TGFB2: variants seen among roughly 807,000 people sequenced by gnomAD.
TGFB2 encodes transforming growth factor beta-2 proprotein.
Under a neutral mutation model 42.7 loss-of-function variants are expected in TGFB2, and 13 were observed. That is an observed-to-expected ratio of 0.30 (90% confidence interval 0.20 to 0.48). TGFB2 has a LOEUF of 0.48. Among genes scored for constraint, TGFB2 ranks in the 20% least tolerant of loss-of-function variants. TGFB2 has a pLI of 0.99. For synonymous variants in TGFB2, 193 were observed against 193.6 expected (o/e 1.00, Z 0.03); for missense variants, 390 against 517.5 (o/e 0.75, Z 2.39).
chr1:218,367,527 C>T (rs867568882), intron 1 of TGFB2, among the ~76,000 whole-genome samples: 9 of 152,166 alleles, frequency 5.9e-5, no homozygotes, highest in Non-Finnish European at 1.2e-4. Context: ...TTGAAGACAA[C>T]TGTACAGTAT....
At chr1:218,372,690 T>G (rs1263433289) in intron 1 of TGFB2, among the ~76,000 whole-genome samples, 1 of 152,186 alleles carries the variant, frequency 6.6e-6, no homozygotes, top group Non-Finnish European at 1.5e-5. Flanking sequence ...GCACTTAGGT[T>G]CTTTGTTGGG....
At chr1:218,434,303 C>T (rs1482646795) in intron 3 of TGFB2, 35 bp from the exon 4 acceptor site, 3 of 1,611,388 alleles carry the variant, frequency 1.9e-6, no homozygotes, top group Admixed American at 1.7e-5. Context: ...TATAGACACA[C>T]ATACAAATGA....
At chr1:218,427,914 C>A (rs1356022916) in intron 2 of TGFB2, among the ~76,000 whole-genome samples, 1 of 152,212 alleles carries the variant, frequency 6.6e-6, no homozygotes, top group African/African-American at 2.4e-5. Context: ...GCCACACTGT[C>A]TTCCACAATG....
chr1:218,346,032 G>C lies in TGFB2; in HGVS notation c.-670G>C, dbSNP rs1191005790. 6.6e-6 allele frequency among the ~76,000 whole-genome samples: 1 copy of C among 150,770 alleles called. No homozygotes were observed. The highest frequency in any genetic ancestry group is 1.5e-5 in the Non-Finnish European group (1 of 67,770). On this transcript the variant is annotated 5_prime_UTR_variant, in exon 1 of 7. Coordinates refer to ENST00000366930, the MANE Select transcript of TGFB2 (RefSeq NM_003238.6). The surrounding 1 kb of genome is among the most constrained non-coding windows in gnomAD (Gnocchi z 4.9). ...GCACCCTCCTCCCCGCGGTGCGCTG[G>C]GCTCGCCCCCAGCGCGCGCACACGC...
chr1:218,399,532 G>A (rs532325177), intron 1 of TGFB2, among the ~76,000 whole-genome samples: 80 of 152,296 alleles, frequency 5.3e-4, no homozygotes, highest in Non-Finnish European at 9.1e-4. Flanking sequence ...TGTAGTGAAA[G>A]GTGAAATTGC....
chr1:218,403,984 G>A (rs376306810), intron 1 of TGFB2, among the ~76,000 whole-genome samples: 244 of 143,982 alleles, frequency 1.7e-3, no homozygotes, highest in African/African-American at 5.7e-3. Flanking sequence ...AAAGCATGGA[G>A]TTAGAATAGG....
At chr1:218,430,173 G>A (rs1340185871) in intron 2 of TGFB2, among the ~76,000 whole-genome samples, 2 of 151,990 alleles carry the variant, frequency 1.3e-5, no homozygotes, top group East Asian at 3.9e-4. Context: ...CACTTTGGGA[G>A]GCTGAGGTGG....
chr1:218,347,546 C>T (rs953623936), intron 1 of TGFB2, among the ~76,000 whole-genome samples: 1 of 152,204 alleles, frequency 6.6e-6, no homozygotes, highest in African/African-American at 2.4e-5. Flanking sequence ...GTTCCCCAAG[C>T]CTTCTCTATT....
At chr1:218,365,988 T>A (rs548299535) in intron 1 of TGFB2, among the ~76,000 whole-genome samples, 16 of 152,354 alleles carry the variant, frequency 1.1e-4, no homozygotes, top group Admixed American at 1.0e-3. Context: ...GACTGGCAGC[T>A]CTGATGCTGC....
chr1:218,373,527 GTTATA>G (rs1271135736), intron 1 of TGFB2, among the ~76,000 whole-genome samples: 1 of 151,734 alleles, frequency 6.6e-6, no homozygotes, highest in Non-Finnish European at 1.5e-5. Flanking sequence ...TTATGGAATA[GTTATA>G]TTAGGCTCTG....
intron 1 of TGFB2, among the ~76,000 whole-genome samples, chr1:218,365,653 T>A (rs1285903778): frequency 1.3e-5 from 2 of 148,378 alleles, no homozygotes; most frequent in African/African-American, 5.0e-5. Flanking sequence ...TGCTGAGCAG[T>A]GGGGCTCTGC....
chr1:218,378,181 A>G (rs545596999), intron 1 of TGFB2, among the ~76,000 whole-genome samples: 1 of 90,922 alleles, frequency 1.1e-5, no homozygotes, highest in Non-Finnish European at 2.4e-5. Context: ...TTATTTATTT[A>G]TTTATTTAAG....
intron 1 of TGFB2, among the ~76,000 whole-genome samples, chr1:218,387,570 C>A (rs527877410): frequency 6.6e-6 from 1 of 152,072 alleles, no homozygotes; most frequent in Admixed American, 6.5e-5. Context: ...CCCAATTATT[C>A]TTTTAGACAC....
At chr1:218,352,426 A>T (rs891901736) in intron 1 of TGFB2, among the ~76,000 whole-genome samples, 2 of 152,164 alleles carry the variant, frequency 1.3e-5, no homozygotes, top group African/African-American at 4.8e-5. Context: ...CTTTCATTTT[A>T]AAAAATATCC....
rs373374878 is a variant in TGFB2, at chr1:218,440,829, TA to T, written c.1087-373del. Among the ~76,000 whole-genome samples, 458 of 152,280 alleles carry T rather than the reference TA, an allele frequency of 3.0e-3. 2 individuals are homozygous for T. The highest frequency in any genetic ancestry group is 9.6e-3 in the African/African-American group (401 of 41,560). On this transcript the variant is annotated intron_variant, in intron 6 of 6. Transcript: ENST00000366930. ...CTTCATTTACAGAGTAGTGTAGAAA[TA>T]AGACCAAATGCTATAAGGATCAAGT...
chr1:218,356,430 G>C (rs1657037612), intron 1 of TGFB2, among the ~76,000 whole-genome samples: 1 of 151,990 alleles, frequency 6.6e-6, no homozygotes, highest in Admixed American at 6.6e-5. Flanking sequence ...TGTTGTTCAA[G>C]CTGGTCTTGA....
chr1:218,435,893 CA>C, intron 4 of TGFB2, 76 bp from the exon 5 acceptor site: 1 of 1,457,430 alleles, frequency 6.9e-7, no homozygotes, highest in Non-Finnish European at 9.3e-7. Context: ...TGACAATATA[CA>C]AAGGAAAAAA....
chr1:218,383,309 A>G (rs1400652455), intron 1 of TGFB2, among the ~76,000 whole-genome samples: 1 of 152,220 alleles, frequency 6.6e-6, no homozygotes, highest in Non-Finnish European at 1.5e-5. Context: ...GCATAATTCT[A>G]CAGGAATTTG....
chr1:218,435,447 C>T (rs1659940224), intron 4 of TGFB2, among the ~76,000 whole-genome samples: 1 of 152,114 alleles, frequency 6.6e-6, no homozygotes, highest in African/African-American at 2.4e-5. Flanking sequence ...TCACAGCTTC[C>T]CAAAATAGCA....
Sources: gnomAD v4.1 joint callset for allele counts (sites outside exome capture counted in the v4.1 genomes callset) on GRCh38, gnomAD v4.1.1 for gene constraint, Gnocchi (gnomAD v3.1) non-coding constraint, MANE v1.5 for transcripts, NCBI Gene and HGNC (gene_info 2026-07-23, HGNC 2026-07-21) for gene names.